Variants in MTA3 observed in about 807,000 individuals in gnomAD.
MTA3 encodes metastasis-associated protein MTA3.
MTA3 carries 34 observed loss-of-function variants against 83.5 expected under a neutral mutation model. The observed-to-expected ratio is 0.41, with a 90% CI of 0.31 to 0.54. MTA3 has a LOEUF of 0.54. Ranked by LOEUF, MTA3 falls within the 20% of genes least tolerant of loss-of-function variation. The probability of loss-of-function intolerance (pLI) is 0.33; values close to 1 mark genes in which losing one functional copy is unlikely to be tolerated. For missense variants in MTA3, 761 were observed against 726.4 expected (o/e 1.05, Z -0.55); for synonymous variants, 303 against 252.7 (o/e 1.20, Z -1.89).
intron 2 of MTA3, among the ~76,000 whole-genome samples, chr2:42,509,366 T>A (rs964759256): frequency 6.6e-6 from 1 of 152,106 alleles, no homozygotes; most frequent in South Asian, 2.1e-4. Context: ...ATTTACCGTC[T>A]GTCTCCCACA....
At chr2:42,570,563 A>C in intron 2 of MTA3, 59 bp downstream of exon 2, 2 of 1,073,852 alleles carry the variant, frequency 1.9e-6, no homozygotes, top group Non-Finnish European at 2.6e-6. Flanking sequence ...CTTGATGGGT[A>C]ATTGGGTAAA....
chr2:42,538,771 T>G (rs1226257423), intron 2 of MTA3, among the ~76,000 whole-genome samples: 3 of 114,106 alleles, frequency 2.6e-5, no homozygotes, highest in South Asian at 3.2e-4. Flanking sequence ...TTTTTTGTTT[T>G]TTTTTGTTTT....
chr2:42,753,590 T>A lies in MTA3; in HGVS notation c.*191T>A, dbSNP rs996129126. ...ACGTTCCAAATCCTGTGTCTCCACG[T>A]GTGGATCAGCAGCACCTCGCTTTCT... is the stretch of plus-strand genomic sequence containing the variant. On this transcript the variant is annotated 3_prime_UTR_variant, in exon 17 of 17. Coordinates refer to ENST00000405094, the MANE Select transcript of MTA3 (RefSeq NM_001330442.2). 1.4e-6 allele frequency: 2 copies of A among 1,404,196 alleles called. No homozygotes were observed. The highest frequency in any genetic ancestry group is 1.9e-6 in the Non-Finnish European group (2 of 1,079,080). The allele number at this position is 1,404,196 out of a possible 1,614,324, so 87.0% of individuals were successfully genotyped here. A position where few individuals can be genotyped will look rare whatever the true frequency, so the allele number is the denominator to read the frequency against.
chr2:42,739,552 G>A (rs1166137083), intron 16 of MTA3, among the ~76,000 whole-genome samples: 3 of 152,070 alleles, frequency 2.0e-5, no homozygotes, highest in Admixed American at 1.3e-4. Flanking sequence ...GATCAGGATG[G>A]TGGTTGCTGA....
At chr2:42,667,613 GAGAGAGAA>G (rs1183524580) in intron 8 of MTA3, among the ~76,000 whole-genome samples, 11 of 18,386 alleles carry the variant, frequency 6.0e-4, no homozygotes, top group African/African-American at 1.1e-3. Context: ...TGTGTGTATA[GAGAGAGAA>G]AGAGAGAGAG....
At chr2:42,716,173 G>C (rs1052804988) in intron 14 of MTA3, among the ~76,000 whole-genome samples, 21 of 152,114 alleles carry the variant, frequency 1.4e-4, no homozygotes, top group African/African-American at 4.8e-4. Context: ...TTTCTCCTGG[G>C]AATCACCTGA....
intron 4 of MTA3, among the ~76,000 whole-genome samples, chr2:42,635,399 G>A (rs1260562490): frequency 3.3e-5 from 5 of 152,060 alleles, no homozygotes; most frequent in African/African-American, 7.2e-5. Flanking sequence ...AGGCCGAGGC[G>A]GGTGGATCAC....
chr2:42,504,973 A>G (rs1674566521), intron 2 of MTA3, among the ~76,000 whole-genome samples: 1 of 152,034 alleles, frequency 6.6e-6, no homozygotes, highest in South Asian at 2.1e-4. Flanking sequence ...CCTTCTCCCC[A>G]TCACCACTCT....
chr2:42,573,115 A>G (rs888815391), intron 2 of MTA3, among the ~76,000 whole-genome samples: 4 of 152,010 alleles, frequency 2.6e-5, no homozygotes, highest in African/African-American at 9.7e-5. Context: ...CGATTTTCTA[A>G]TGATGCTTTG....
intron 7 of MTA3, among the ~76,000 whole-genome samples, chr2:42,658,444 A>G (rs1460700908): frequency 2.0e-5 from 3 of 152,196 alleles, no homozygotes; most frequent in Non-Finnish European, 4.4e-5. Context: ...GGAGGTGGGG[A>G]TGAGACGTCG....
rs529019066 is a variant in MTA3 at position 42,513,281 on chromosome 2, A to G, written c.-141+18027A>G. On this transcript the variant is annotated intron_variant, in intron 2 of 17. Transcript: ENST00000405592. Reference sequence around the variant, plus strand: ...TTGGAGGGAGTGTGAGGGGAATGAAATGAGCATTACTTGGGATACTGGTCC... The same window carrying G: ...TTGGAGGGAGTGTGAGGGGAATGAAGTGAGCATTACTTGGGATACTGGTCC... 5.3e-5 allele frequency among the ~76,000 whole-genome samples: 8 copies of G among 152,354 alleles called. No homozygotes were observed. The South Asian group carries it at 1.7e-3, about 32-fold the overall frequency.
chr2:42,561,559 G>T (rs963679107), intron 2 of MTA3, among the ~76,000 whole-genome samples: 3 of 152,092 alleles, frequency 2.0e-5, no homozygotes, highest in African/African-American at 7.2e-5. Flanking sequence ...CTGACATCAG[G>T]TGATCTACCC....
chr2:42,520,355 C>A (rs1030520855), intron 2 of MTA3, among the ~76,000 whole-genome samples: 1 of 152,252 alleles, frequency 6.6e-6, no homozygotes, highest in East Asian at 1.9e-4. Context: ...CAGAGCAAAC[C>A]AATGACCCTC....
chr2:42,584,509 C>T (rs1333821457), intron 3 of MTA3, among the ~76,000 whole-genome samples: 1 of 151,502 alleles, frequency 6.6e-6, no homozygotes, highest in Non-Finnish European at 1.5e-5. Context: ...ATATTATTTT[C>T]TGAACCATTT....
intron 15 of MTA3, among the ~76,000 whole-genome samples, chr2:42,722,359 G>T (rs1027626932): frequency 2.6e-5 from 4 of 152,122 alleles, no homozygotes; most frequent in Admixed American, 2.6e-4. Context: ...TTGGACTTTG[G>T]TTTCAGGTTT....
At chr2:42,643,087 A>G (rs1301187862) in intron 5 of MTA3, among the ~76,000 whole-genome samples, 1 of 126,758 alleles carries the variant, frequency 7.9e-6, no homozygotes, top group East Asian at 2.7e-4. Flanking sequence ...TTTTTTCCTG[A>G]CAGTGAACAA....
At chr2:42,745,882 T>G (rs1197892231) in intron 16 of MTA3, among the ~76,000 whole-genome samples, 1 of 144,706 alleles carries the variant, frequency 6.9e-6, no homozygotes, top group South Asian at 2.3e-4. Context: ...GGCTCAATCT[T>G]AGCTCGCTGC....
chr2:42,665,065 C>T (rs1026836519), intron 8 of MTA3, among the ~76,000 whole-genome samples: 5 of 152,142 alleles, frequency 3.3e-5, no homozygotes, highest in Admixed American at 6.5e-5. Flanking sequence ...AGGTTTCACT[C>T]GTTTTGTTAA....
chr2:42,729,620 C>A (rs1426087896), intron 16 of MTA3, among the ~76,000 whole-genome samples: 1 of 152,114 alleles, frequency 6.6e-6, no homozygotes, highest in Non-Finnish European at 1.5e-5. Context: ...AGATTTGTTT[C>A]TGGGTTCTCC....
Sources: gnomAD v4.1 joint callset for allele counts (sites outside exome capture counted in the v4.1 genomes callset) on GRCh38, gnomAD v4.1.1 for gene constraint, MANE v1.5 for transcripts, NCBI Gene and HGNC (gene_info 2026-07-23, HGNC 2026-07-21) for gene names.